Variants in CACNA2D2 observed in about 807,000 individuals in gnomAD.
The protein encoded by CACNA2D2 is voltage-dependent calcium channel subunit alpha-2/delta-2.
Under a neutral mutation model 166.4 loss-of-function variants are expected in CACNA2D2, and 48 were observed. The observed-to-expected ratio is 0.29, with a 90% CI of 0.23 to 0.37. CACNA2D2 has a LOEUF of 0.37. CACNA2D2 is among the 10% of genes least tolerant of loss of function. CACNA2D2 has a pLI of 1.00. For synonymous variants in CACNA2D2, 561 were observed against 573.7 expected (o/e 0.98, Z 0.32); for missense variants, 1,122 against 1,433.0 (o/e 0.78, Z 3.50).
At chr3:50,382,315 C>T (rs1378202776) in intron 6 of CACNA2D2, among the ~76,000 whole-genome samples, 2 of 152,170 alleles carry the variant, frequency 1.3e-5, no homozygotes, top group African/African-American at 4.8e-5. Context: ...ACAGGGATCC[C>T]CATCAAAAAT....
chr3:50,370,380 T>C lies in CACNA2D2; in HGVS notation c.1985A>G (p.Tyr662Cys). ...NLSDQILQVKYFEFLLPSSFE... is the reference protein window; with the variant it reads ...NLSDQILQVKCFEFLLPSSFE... ...GCTGCTGGGGAGCAGGAACTCAAAA[T>C]CTGCAACAGAAACGGGGGGTTATCC... is the stretch of plus-strand genomic sequence containing the variant. The change falls in exon 23 of 38, where the codon TAT (tyrosine) becomes TGT (cysteine). Residue 662 changes from tyrosine to cysteine, a missense_variant and splice_region_variant. Tyr to Cys is a radical substitution (Grantham distance 194). Coordinates refer to ENST00000424201, the MANE Select transcript of CACNA2D2 (RefSeq NM_006030.4). 12 of 1,394,408 alleles carry C rather than the reference T, an allele frequency of 8.6e-6. No individual in the cohort carries two copies. Among genetic ancestry groups the C allele is most frequent in the Non-Finnish European group, 1.1e-5 (11 of 1,046,684 alleles). The allele number at this position is 1,394,408 out of a possible 1,614,324, so 86.4% of individuals were successfully genotyped here.
At chr3:50,494,434 G>A (rs1575782364) in intron 1 of CACNA2D2, among the ~76,000 whole-genome samples, 1 of 152,120 alleles carries the variant, frequency 6.6e-6, no homozygotes. Context: ...CAGAGCATGG[G>A]CCTCTACCAT....
At chr3:50,371,289 CAGTTGGGCCTGTGCCCTGGGCTTATG>C (rs1357216681) in intron 22 of CACNA2D2, among the ~76,000 whole-genome samples, 2 of 152,106 alleles carry the variant, frequency 1.3e-5, no homozygotes, top group African/African-American at 2.4e-5. Flanking sequence ...GAGGCATCCC[CAGTTGGGCCTGTGCCCTGGGCTTATG>C]AGCTGTGCAT....
At position 50,367,125 on chromosome 3, in the gene CACNA2D2, G is replaced by A. The variant is rs1704349370; in HGVS notation, c.2402-16C>T. ...CTTAACAGGGCTGGGGGTTGGGTGG[G>A]GAAGTCAGGAGTGGGGTCTGGCGGC... On this transcript the variant is annotated splice_polypyrimidine_tract_variant and intron_variant, in intron 27 of 37. Coordinates refer to ENST00000424201, the MANE Select transcript of CACNA2D2 (RefSeq NM_006030.4). This position sits in a 1 kb window ranked among gnomAD's most constrained non-coding sequence, Gnocchi z 6.5. 6.2e-7 allele frequency: 1 copy of A among 1,601,498 alleles called. No homozygotes were observed. The highest frequency in any genetic ancestry group is 8.5e-7 in the Non-Finnish European group (1 of 1,170,176).
intron 1 of CACNA2D2, among the ~76,000 whole-genome samples, chr3:50,487,316 G>A (rs895319085): frequency 2.0e-5 from 3 of 152,214 alleles, no homozygotes; most frequent in Non-Finnish European, 4.4e-5. Flanking sequence ...GCAAGCCAAA[G>A]CTGAGTGCAA....
In CACNA2D2 at chr3:50,380,247, C is replaced by T. The variant is rs2269568; in HGVS notation, c.843-229G>A. On this transcript the variant is annotated intron_variant, in intron 8 of 37. Coordinates refer to ENST00000424201, the MANE Select transcript of CACNA2D2 (RefSeq NM_006030.4). The surrounding 1 kb of genome is among the most constrained non-coding windows in gnomAD (Gnocchi z 4.9). ...GAAAAAGTACCAGGGGGTATATGAG[C>T]AGGTGATCCCCAGAGGGGGCAGGAG... is the stretch of plus-strand genomic sequence containing the variant. Among the ~76,000 whole-genome samples the T allele has an allele frequency of 0.056, 8,545 of 152,308 alleles. 1,546 individuals are homozygous for T. In the East Asian group the frequency reaches 0.6, roughly 11 times the overall value.
At chr3:50,431,842 G>A (rs569647716) in intron 3 of CACNA2D2, among the ~76,000 whole-genome samples, 14 of 151,932 alleles carry the variant, frequency 9.2e-5, no homozygotes, top group African/African-American at 3.4e-4. Flanking sequence ...TAAATTAGCT[G>A]GGCATGGTGG....
In CACNA2D2 at chr3:50,376,301, C is replaced by T. The variant is rs1484835759; in HGVS notation, c.1627-113G>A. 12 of 1,176,448 alleles carry T rather than the reference C, an allele frequency of 1.0e-5. No individual in the cohort carries two copies. In the African/African-American group the frequency reaches 1.7e-4, roughly 16 times the overall value. 72.9% of individuals were successfully genotyped at this position (1,176,448 alleles called of 1,614,324 possible). A position where few individuals can be genotyped will look rare whatever the true frequency, so the allele number is the denominator to read the frequency against. On this transcript the variant is annotated intron_variant, in intron 17 of 37. Coordinates refer to ENST00000424201, the MANE Select transcript of CACNA2D2 (RefSeq NM_006030.4). This position sits in a 1 kb window ranked among gnomAD's most constrained non-coding sequence, Gnocchi z 4.3. ...CGCACCGAGAGATTCTGTTTGCCTG[C>T]CTTGGGCTAAGGGCCCCCCCATGCC...
At chr3:50,481,539 A>C (rs1698057856) in intron 1 of CACNA2D2, among the ~76,000 whole-genome samples, 2 of 152,150 alleles carry the variant, frequency 1.3e-5, no homozygotes, top group Non-Finnish European at 2.9e-5. Context: ...GGACAGCAGG[A>C]GGCTGGGGCA....
rs1360367100 is a variant in CACNA2D2 at position 50,486,404 on chromosome 3, AC to A, written c.207-10206del. Among the ~76,000 whole-genome samples the A allele has an allele frequency of 3.4e-4, 50 of 148,674 alleles. No homozygotes were observed. The East Asian group carries it at 5.4e-3, about 16-fold the overall frequency. On this transcript the variant is annotated intron_variant, in intron 1 of 37. Transcript: ENST00000424201. ...ATCTCCCCTCCTGCACATCCTCCCC[AC>A]CCCCCAGCATGAGTCAAATCCTCGC...
At chr3:50,418,232 G>A (rs1343308822) in intron 3 of CACNA2D2, among the ~76,000 whole-genome samples, 1 of 152,166 alleles carries the variant, frequency 6.6e-6, no homozygotes, top group Non-Finnish European at 1.5e-5. Flanking sequence ...CACAGTAGGT[G>A]CTCAACATGT....
At chr3:50,449,860 C>T (rs995460684) in intron 2 of CACNA2D2, among the ~76,000 whole-genome samples, 3 of 152,166 alleles carry the variant, frequency 2.0e-5, no homozygotes, top group African/African-American at 7.2e-5. Context: ...GGGAGAGAGA[C>T]CTAGGGCTGG....
chr3:50,366,529 CT>C lies in CACNA2D2; in HGVS notation c.2637+48del. 6.2e-7 allele frequency: 1 copy of C among 1,602,564 alleles called. No homozygotes were observed. Among genetic ancestry groups the C allele is most frequent in the Non-Finnish European group, 8.6e-7 (1 of 1,169,552 alleles). On this transcript the variant is annotated intron_variant, in intron 30 of 37. Coordinates refer to ENST00000424201, the MANE Select transcript of CACNA2D2 (RefSeq NM_006030.4). This position sits in a 1 kb window ranked among gnomAD's most constrained non-coding sequence, Gnocchi z 5.9. Reference sequence around the variant, plus strand: ...GGAGTCGCGGCTGGGACTAGGAAGTCTGGAAGTGGGGTAAGCTAGGGTCCAG... The same window carrying C: ...GGAGTCGCGGCTGGGACTAGGAAGTCGGAAGTGGGGTAAGCTAGGGTCCAG...
intron 3 of CACNA2D2, among the ~76,000 whole-genome samples, chr3:50,424,404 C>G (rs1707711276): frequency 6.6e-6 from 1 of 152,170 alleles, no homozygotes; most frequent in African/African-American, 2.4e-5. Context: ...TGGAGCCTGC[C>G]AGTGGGCAAG....
intron 2 of CACNA2D2, among the ~76,000 whole-genome samples, chr3:50,443,605 C>T (rs1308538722): frequency 2.0e-5 from 3 of 152,178 alleles, no homozygotes; most frequent in African/African-American, 4.8e-5. Flanking sequence ...CCTTGTGCAG[C>T]CCTGGCCCAG....
At chr3:50,502,683 A>ATTCTT (rs1302185223) in intron 1 of CACNA2D2, among the ~76,000 whole-genome samples, 2 of 152,220 alleles carry the variant, frequency 1.3e-5, no homozygotes, top group African/African-American at 4.8e-5. Flanking sequence ...CCTCTGTGGC[A>ATTCTT]CTGGCCACAG....
At chr3:50,456,539 C>T (rs1709367123) in intron 2 of CACNA2D2, among the ~76,000 whole-genome samples, 1 of 152,192 alleles carries the variant, frequency 6.6e-6, no homozygotes, top group Non-Finnish European at 1.5e-5. Context: ...CTCTGGGCCT[C>T]AATTTTCCGA....
At chr3:50,378,150 G>A (rs1159392931) in intron 14 of CACNA2D2, 53 bp from the exon 15 acceptor site, 5 of 1,591,672 alleles carry the variant, frequency 3.1e-6, no homozygotes, top group Non-Finnish European at 4.3e-6. Context: ...GGCACTGCCT[G>A]TTCTGTCTCG....
chr3:50,456,444 A>G (rs1298564019), intron 2 of CACNA2D2, among the ~76,000 whole-genome samples: 1 of 152,078 alleles, frequency 6.6e-6, no homozygotes, highest in Non-Finnish European at 1.5e-5. Context: ...TGACTTCACA[A>G]TTTTCACTCA....
Sources: allele counts gnomAD v4.1 joint callset (sites outside exome capture counted in the v4.1 genomes callset), GRCh38; gene constraint gnomAD v4.1.1; non-coding constraint Gnocchi (gnomAD v3.1); transcripts MANE v1.5; gene names NCBI Gene and HGNC (gene_info 2026-07-23, HGNC 2026-07-21).